The following DAPK1 variants were observed in gnomAD, a reference collection of about 807,000 sequenced individuals.
DAPK1 encodes death associated protein kinase 1, also known as death-associated protein kinase 1.
In DAPK1, 56 loss-of-function variants were observed where a neutral mutation model predicts 144.9. The ratio of observed to expected loss-of-function variants is 0.39; its 90% CI spans 0.31 to 0.48. DAPK1 has a LOEUF of 0.48. Among genes scored for constraint, DAPK1 ranks in the 20% least tolerant of loss-of-function variants. The pLI, the probability that DAPK1 is intolerant of heterozygous loss-of-function variation, is 0.95. For synonymous variants in DAPK1, 690 were observed against 749.0 expected, an observed-to-expected ratio of 0.92 and a Z score of 1.29; for missense variants, 1,454 against 1,875.4, an observed-to-expected ratio of 0.78 and a Z score of 4.15.
intron 21 of DAPK1, among the ~76,000 whole-genome samples, chr9:87,693,579 T>C (rs1303756514): frequency 6.6e-6 from 1 of 152,148 alleles, no homozygotes; most frequent in East Asian, 1.9e-4. Flanking sequence ...TTCATTAGAA[T>C]CTGTTGCTGG....
chr9:87,526,878 T>C (rs964572214), intron 2 of DAPK1, among the ~76,000 whole-genome samples: 1 of 152,198 alleles, frequency 6.6e-6, no homozygotes, highest in Non-Finnish European at 1.5e-5. Flanking sequence ...TTATAAGGAC[T>C]TCTCTGAAAA....
Position 87,663,913 on chromosome 9 carries a change from C to T in DAPK1, c.1924-4684C>T, listed in dbSNP as rs539102522. On this transcript the variant is annotated intron_variant, in intron 18 of 25. Transcript: ENST00000408954. ...CTCTCCTCACCTATTTGCATCTAGCCGGCAGCCTACTAAGTCTCCTCCCAC... is the reference window on the plus strand; with the variant it reads ...CTCTCCTCACCTATTTGCATCTAGCTGGCAGCCTACTAAGTCTCCTCCCAC... Among the ~76,000 whole-genome samples, 25 of 152,116 alleles carry T rather than the reference C, an allele frequency of 1.6e-4. No individual in the cohort carries two copies. The East Asian group carries it at 1.7e-3, about 11-fold the overall frequency.
At chr9:87,600,534 A>C (rs1441506570) in intron 2 of DAPK1, among the ~76,000 whole-genome samples, 1 of 152,202 alleles carries the variant, frequency 6.6e-6, no homozygotes, top group Non-Finnish European at 1.5e-5. Context: ...TCAAGGCTGC[A>C]GTGAGCTGTG....
intron 19 of DAPK1, among the ~76,000 whole-genome samples, chr9:87,675,577 T>C (rs1173743947): frequency 7.2e-5 from 11 of 151,788 alleles, no homozygotes; most frequent in Non-Finnish European, 1.5e-5. Context: ...GAGTTTGGGT[T>C]TGGGCCAAGT....
chr9:87,566,274 G>A (rs1317657313), intron 2 of DAPK1, among the ~76,000 whole-genome samples: 1 of 152,098 alleles, frequency 6.6e-6, no homozygotes, highest in East Asian at 1.9e-4. Context: ...ACCCGCCTCG[G>A]CCTCCCAAAG....
At chr9:87,593,039 C>G (rs1403801063) in intron 2 of DAPK1, among the ~76,000 whole-genome samples, 1 of 152,174 alleles carries the variant, frequency 6.6e-6, no homozygotes, top group African/African-American at 2.4e-5. Flanking sequence ...GGGCTGACAG[C>G]CAGACAGCCA....
chr9:87,574,455 A>G (rs966628625), intron 2 of DAPK1, among the ~76,000 whole-genome samples: 2 of 152,212 alleles, frequency 1.3e-5, no homozygotes, highest in African/African-American at 4.8e-5. Context: ...CATTTTATAT[A>G]TATCACAGGA....
intron 19 of DAPK1, among the ~76,000 whole-genome samples, chr9:87,670,937 G>T (rs1009397961): frequency 4.0e-4 from 61 of 152,176 alleles, no homozygotes; most frequent in African/African-American, 1.4e-3. Context: ...CTTAGCAATG[G>T]TCCCTTCTTT....
chr9:87,640,238 C>G, intron 7 of DAPK1, 60 bp from the exon 8 acceptor site: 2 of 1,512,932 alleles, frequency 1.3e-6, no homozygotes, highest in Admixed American at 3.8e-5. Flanking sequence ...GTTATAGGAG[C>G]AAAATGACAA....
chr9:87,585,955 C>G (rs1384455706), intron 2 of DAPK1, among the ~76,000 whole-genome samples: 1 of 152,098 alleles, frequency 6.6e-6, no homozygotes, highest in African/African-American at 2.4e-5. Flanking sequence ...GTTAATTTTG[C>G]CTGTTTCTTT....
In DAPK1 at chr9:87,698,638, T is replaced by G; in HGVS notation, c.2612-18T>G. 1 of 1,582,834 alleles carries G rather than the reference T, an allele frequency of 6.3e-7. No individual in the cohort carries two copies. Among genetic ancestry groups the G allele is most frequent in the Non-Finnish European group, 8.7e-7 (1 of 1,153,406 alleles). ...TAGGAGGACCCACCCCCTGAAGCAGTTCCCTCTCTGCCCCCAGCCTTCGGT... is the reference window on the plus strand; with the variant it reads ...TAGGAGGACCCACCCCCTGAAGCAGGTCCCTCTCTGCCCCCAGCCTTCGGT... On this transcript the variant is annotated intron_variant, in intron 22 of 25. Coordinates refer to ENST00000408954, the MANE Select transcript of DAPK1 (RefSeq NM_004938.4).
At chr9:87,636,340 C>T (rs1178997354) in intron 3 of DAPK1, among the ~76,000 whole-genome samples, 3 of 152,172 alleles carry the variant, frequency 2.0e-5, no homozygotes, top group Non-Finnish European at 2.9e-5. Flanking sequence ...CTGCCAGGCC[C>T]CTGGGGATAG....
intron 18 of DAPK1, among the ~76,000 whole-genome samples, chr9:87,665,029 C>T (rs1328564056): frequency 6.6e-6 from 1 of 152,196 alleles, no homozygotes; most frequent in Non-Finnish European, 1.5e-5. Flanking sequence ...CTCTCACCTT[C>T]TGCAGGTTTT....
At chr9:87,572,144 C>T (rs1427097858) in intron 2 of DAPK1, among the ~76,000 whole-genome samples, 1 of 152,228 alleles carries the variant, frequency 6.6e-6, no homozygotes, top group Non-Finnish European at 1.5e-5. Context: ...ATGAATATAG[C>T]AGCTAATGAT....
At chr9:87,508,523 T>C (rs1824702358) in intron 2 of DAPK1, among the ~76,000 whole-genome samples, 1 of 151,936 alleles carries the variant, frequency 6.6e-6, no homozygotes, top group Non-Finnish European at 1.5e-5. Context: ...TTGGTATTTT[T>C]AGTAGAGTCA....
At chr9:87,549,162 C>T (rs1230994199) in intron 2 of DAPK1, among the ~76,000 whole-genome samples, 1 of 152,094 alleles carries the variant, frequency 6.6e-6, no homozygotes, top group East Asian at 1.9e-4. Context: ...CATCACTCAG[C>T]TCCCACTTAC....
At chr9:87,647,846 A>C (rs1830323796) in intron 14 of DAPK1, among the ~76,000 whole-genome samples, 1 of 152,176 alleles carries the variant, frequency 6.6e-6, no homozygotes, top group Admixed American at 6.5e-5. Context: ...GTAATAAAGT[A>C]AGGCTTTTTT....
intron 3 of DAPK1, among the ~76,000 whole-genome samples, chr9:87,607,753 T>A (rs987777817): frequency 6.6e-6 from 1 of 152,134 alleles, no homozygotes; most frequent in East Asian, 1.9e-4. Flanking sequence ...GTACCCCTTG[T>A]ATTAATACTA....
chr9:87,565,733 C>G (rs1053971842), intron 2 of DAPK1, among the ~76,000 whole-genome samples: 20 of 152,206 alleles, frequency 1.3e-4, no homozygotes, highest in Non-Finnish European at 2.1e-4. Context: ...TTCACTCTTT[C>G]TTTTTATCAT....
Sources: allele counts gnomAD v4.1 joint callset (sites outside exome capture counted in the v4.1 genomes callset), GRCh38; gene constraint gnomAD v4.1.1; transcripts MANE v1.5; gene names NCBI Gene and HGNC (gene_info 2026-07-23, HGNC 2026-07-21).